The following ABR variants were observed in gnomAD, a reference collection of about 807,000 sequenced individuals.
The protein encoded by ABR is ABR activator of RhoGEF and GTPase, also known as active breakpoint cluster region-related protein.
In ABR, 35 loss-of-function variants were observed where a neutral mutation model predicts 107.2. That is an observed-to-expected ratio of 0.33 (90% CI 0.25 to 0.43). The LOEUF (loss-of-function observed/expected upper bound fraction) is 0.43. ABR is among the 20% of genes least tolerant of loss of function. The pLI is 1.00. For synonymous variants in ABR, 498 were observed against 462.0 expected (o/e 1.08, Z -1.00); for missense variants, 815 against 1,115.2 (o/e 0.73, Z 3.83).
chr17:1,106,373 C>A (rs1239407652), intron 2 of ABR, among the ~76,000 whole-genome samples: 1 of 151,762 alleles, frequency 6.6e-6, no homozygotes. Flanking sequence ...GTGCCAAGAA[C>A]CTCTGCAGCC....
At chr17:1,170,122 T>A (rs2041654810) in intron 1 of ABR, among the ~76,000 whole-genome samples, 1 of 152,072 alleles carries the variant, frequency 6.6e-6, no homozygotes, top group Non-Finnish European at 1.5e-5. Context: ...CTCCTTAGGC[T>A]CATGCCCCTA....
At chr17:1,204,134 C>G (rs1252121412) in intron 1 of ABR, among the ~76,000 whole-genome samples, 1 of 152,150 alleles carries the variant, frequency 6.6e-6, no homozygotes, top group African/African-American at 2.4e-5. Context: ...CATCTTAGTC[C>G]CCAGCGGGGC....
intron 14 of ABR, among the ~76,000 whole-genome samples, chr17:1,054,051 A>T (rs2151050941): frequency 6.6e-6 from 1 of 152,284 alleles, no homozygotes; most frequent in African/African-American, 2.4e-5. Flanking sequence ...TGGTGCCGGA[A>T]GACGTGGATT....
intron 3 of ABR, among the ~76,000 whole-genome samples, chr17:1,096,492 G>A (rs1296226374): frequency 6.6e-6 from 1 of 152,208 alleles, no homozygotes; most frequent in Non-Finnish European, 1.5e-5. Context: ...GCTCAGGGAG[G>A]AGAGGAGGAA....
intron 2 of ABR, among the ~76,000 whole-genome samples, chr17:1,111,327 C>T (rs1388098116): frequency 5.3e-5 from 8 of 152,164 alleles, no homozygotes; most frequent in Non-Finnish European, 2.9e-5. Flanking sequence ...CCACCCTGTC[C>T]CCGGTGGCTG....
chr17:1,096,856 T>G (rs1295380976), intron 3 of ABR, among the ~76,000 whole-genome samples: 2 of 61,276 alleles, frequency 3.3e-5, no homozygotes, highest in Non-Finnish European at 6.2e-5. Context: ...AGGAGAGAGC[T>G]GGGGAATGGG....
At chr17:1,093,411 G>A (rs2037169474) in intron 3 of ABR, among the ~76,000 whole-genome samples, 1 of 152,152 alleles carries the variant, frequency 6.6e-6, no homozygotes, top group African/African-American at 2.4e-5. Flanking sequence ...AGAGGTTGCA[G>A]TGAGCCAAGA....
chr17:1,056,326 G>GC (rs1414242042), intron 13 of ABR, among the ~76,000 whole-genome samples: 1 of 152,098 alleles, frequency 6.6e-6, no homozygotes, highest in Non-Finnish European at 1.5e-5. Flanking sequence ...CCTCCACTCA[G>GC]CCTGGGGGGG....
chr17:1,166,494 C>T (rs2041511664), intron 1 of ABR, among the ~76,000 whole-genome samples: 1 of 152,114 alleles, frequency 6.6e-6, no homozygotes, highest in African/African-American at 2.4e-5. Flanking sequence ...GGCCGGAGGC[C>T]CGGGGGTGTG....
rs934010799 is a variant in ABR, at chr17:1,023,089, T to C, written c.1792-9925A>G. Among the ~76,000 whole-genome samples, 29 of 150,676 alleles carry C rather than the reference T, an allele frequency of 1.9e-4. 1 individual carries two copies. The highest frequency in any genetic ancestry group is 6.4e-4 in the African/African-American group (26 of 40,512). On this transcript the variant is annotated intron_variant, in intron 16 of 22. Coordinates refer to ENST00000302538, the MANE Select transcript of ABR (RefSeq NM_021962.5). The stretch of plus-strand genomic sequence containing the variant: ...GCGCCTCTGCCGGCCCCACGTCCAC[T>C]GCAGAGCCTCTGCCGGCCCCACGTC...
chr17:1,148,468 G>A lies in ABR; in HGVS notation c.62-23101C>T, dbSNP rs559401993. Among the ~76,000 whole-genome samples the A allele has an allele frequency of 2.0e-5, 3 of 152,268 alleles. No individual in the cohort carries two copies. The South Asian group carries it at 6.2e-4, about 32-fold the overall frequency. ...ACGGGGAGCTGTTGTTCAATACAGG[G>A]GTCCCCAGCCCCCCCGGGCATGGAC... On this transcript the variant is annotated intron_variant, in intron 1 of 22. Coordinates refer to ENST00000302538, the MANE Select transcript of ABR (RefSeq NM_021962.5). The surrounding 1 kb of genome is among the most constrained non-coding windows in gnomAD (Gnocchi z 4.9).
chr17:1,009,621 C>T (rs1567558171), intron 21 of ABR, 58 bp downstream of exon 21: 10 of 1,513,930 alleles, frequency 6.6e-6, no homozygotes, highest in Admixed American at 5.0e-5. Flanking sequence ...GGGCCCCTCC[C>T]CGTTACCTTT....
rs1277907057 is a variant in ABR, at chr17:1,079,370, G to A, written c.660C>T (p.Pro220=). 6.2e-7 allele frequency: 1 copy of A among 1,613,478 alleles called. No homozygotes were observed. The highest frequency in any genetic ancestry group is 8.5e-7 in the Non-Finnish European group (1 of 1,179,780). ...KISEELKVKG[P]KDSKDSHTSV... ...ACGTGTGGCTGTCCTTGGAGTCCTT[G>A]GGACCTTTCACTTTGAGTTCCTGCC... The change falls in exon 6 of 23, where the codon CCC becomes CCT. Residue 220 remains proline, a synonymous_variant. Transcript: ENST00000302538.
Position 1,202,160 on chromosome 17 carries a change from G to A in ABR, c.838+26633C>T, listed in dbSNP as rs182435286. On this transcript the variant is annotated intron_variant, in intron 1 of 22. Transcript: ENST00000574139. The stretch of plus-strand genomic sequence containing the variant: ...CAGAGTCTGGCTCTGTAGCCGCTCT[G>A]TTGCCCAGGTTGGGGCACCACCATG... 2.8e-4 allele frequency among the ~76,000 whole-genome samples: 43 copies of A among 152,314 alleles called. No homozygotes were observed. The East Asian group carries it at 6.0e-3, about 21-fold the overall frequency.
chr17:1,107,264 C>G (rs2038317503), intron 2 of ABR, among the ~76,000 whole-genome samples: 1 of 152,246 alleles, frequency 6.6e-6, no homozygotes, highest in Admixed American at 6.5e-5. Context: ...CCGCCGTACA[C>G]AGCAGGACAC....
chr17:1,127,198 C>T (rs2039639916), intron 1 of ABR, among the ~76,000 whole-genome samples: 1 of 152,214 alleles, frequency 6.6e-6, no homozygotes, highest in African/African-American at 2.4e-5. Flanking sequence ...TTTCCCTAGA[C>T]AGGGTTGTGT....
At chr17:1,072,970 A>G (rs771502851) in intron 7 of ABR, among the ~76,000 whole-genome samples, 1 of 152,150 alleles carries the variant, frequency 6.6e-6, no homozygotes, top group Non-Finnish European at 1.5e-5. Context: ...TCTTGAGGTC[A>G]GAAGTTCGAG....
In ABR at chr17:1,011,718, A is replaced by G; in HGVS notation, c.2101+128T>C. On this transcript the variant is annotated intron_variant, in intron 19 of 22. Transcript: ENST00000302538. This position sits in a 1 kb window ranked among gnomAD's most constrained non-coding sequence, Gnocchi z 4.8. ...GGGATTACAAGAGAAAGCACTTGCC[A>G]CGGGGACTCTGAAGCAGAGCAAGCC... 2 of 1,225,554 alleles carry G rather than the reference A, an allele frequency of 1.6e-6. No individual in the cohort carries two copies. Among genetic ancestry groups the G allele is most frequent in the Non-Finnish European group, 2.2e-6 (2 of 913,880 alleles). 75.9% of individuals were successfully genotyped at this position (1,225,554 alleles called of 1,614,324 possible).
intron 16 of ABR, among the ~76,000 whole-genome samples, chr17:1,042,940 A>C (rs1200703333): frequency 6.6e-6 from 1 of 152,226 alleles, no homozygotes; most frequent in East Asian, 1.9e-4. Flanking sequence ...CAAGGACATG[A>C]GGAGGACAAA....
Sources: gnomAD v4.1 joint callset for allele counts (sites outside exome capture counted in the v4.1 genomes callset) on GRCh38, gnomAD v4.1.1 for gene constraint, Gnocchi (gnomAD v3.1) non-coding constraint, MANE v1.5 for transcripts, NCBI Gene and HGNC (gene_info 2026-07-23, HGNC 2026-07-21) for gene names.